The following PLB1 variants were observed in gnomAD, a reference collection of about 807,000 sequenced individuals.
PLB1 encodes phospholipase B1.
PLB1 carries 242 observed loss-of-function variants against 227.4 expected under a neutral mutation model. The ratio of observed to expected loss-of-function variants is 1.06; its 90% CI spans 0.96 to 1.18. The LOEUF (loss-of-function observed/expected upper bound fraction) is 1.18, where lower values mean the gene tolerates loss of function less well. Among genes scored for constraint, PLB1 ranks in the 50% most tolerant of loss-of-function variants. The probability of loss-of-function intolerance (pLI) is 0.00; values close to 1 mark genes in which losing one functional copy is unlikely to be tolerated. For synonymous variants in PLB1, 757 were observed against 682.2 expected (o/e 1.11, Z -1.71); for missense variants, 1,858 against 1,816.3 (o/e 1.02, Z -0.42).
In PLB1 at chr2:28,589,674, G is replaced by T; in HGVS notation, c.1921-1G>T. On this transcript the variant is annotated splice_acceptor_variant, in intron 27 of 57. Coordinates refer to ENST00000327757, the MANE Select transcript of PLB1 (RefSeq NM_153021.5). LOFTEE classifies it high-confidence loss of function. ...CCTCTCTTTTTCTGCCCGGTGACCA[G>T]GAAGGATTGCCTGACAACTCTTTCT... The T allele has an allele frequency of 6.2e-7, 1 of 1,614,084 alleles. No homozygotes were observed. Among genetic ancestry groups the T allele is most frequent in the Non-Finnish European group, 8.5e-7 (1 of 1,179,998 alleles).
At chr2:28,614,374 A>T (rs1368362590) in intron 44 of PLB1, among the ~76,000 whole-genome samples, 2 of 152,180 alleles carry the variant, frequency 1.3e-5, no homozygotes, top group Non-Finnish European at 2.9e-5. Flanking sequence ...AGACGTGGTT[A>T]CTGCTTAGGC....
At chr2:28,613,070 C>G (rs372419294) in intron 43 of PLB1, among the ~76,000 whole-genome samples, 26 of 152,204 alleles carry the variant, frequency 1.7e-4, no homozygotes, top group African/African-American at 6.3e-4. Context: ...CAGGCACATG[C>G]CACCATGTTG....
At chr2:28,511,145 A>T (rs1314657695) in intron 1 of PLB1, among the ~76,000 whole-genome samples, 2 of 152,182 alleles carry the variant, frequency 1.3e-5, no homozygotes, top group Admixed American at 1.3e-4. Context: ...AACTCCATTT[A>T]TTCCATCCAA....
At chr2:28,529,564 C>T (rs1270668261) in intron 7 of PLB1, among the ~76,000 whole-genome samples, 157 bp downstream of exon 7, 1 of 152,184 alleles carries the variant, frequency 6.6e-6, no homozygotes, top group Non-Finnish European at 1.5e-5. Flanking sequence ...TTTCAGGCTG[C>T]CTGATGAGCC....
chr2:28,622,438 T>C (rs1687169362), intron 49 of PLB1, among the ~76,000 whole-genome samples: 1 of 152,190 alleles, frequency 6.6e-6, no homozygotes, highest in Admixed American at 6.5e-5. Context: ...CCACACATAA[T>C]ACCCACCAAA....
Position 28,642,918 on chromosome 2 carries a change from GC to G in PLB1, c.4239del (p.Glu1414ArgfsTer38). 2 of 1,608,812 alleles carry G rather than the reference GC, an allele frequency of 1.2e-6. No homozygotes were observed. Among genetic ancestry groups the G allele is most frequent in the Non-Finnish European group, 1.7e-6 (2 of 1,177,630 alleles). On this transcript the variant is annotated frameshift_variant, in exon 58 of 58. Coordinates refer to ENST00000327757, the MANE Select transcript of PLB1 (RefSeq NM_153021.5). LOFTEE classifies it low-confidence loss of function (END_TRUNC). The stretch of plus-strand genomic sequence containing the variant: ...ATTGCTCCCAGACCAGGCTGAAGAA[GC>G]CCCCGAGGTGCTCTACTGGGCTGTC... ...SRLLPDQAEEAPEVLYWAVPV... is the reference protein window; with the variant it reads ...SRLLPDQAEEXPEVLYWAVPV...
chr2:28,563,817 G>A (rs1165015809), intron 18 of PLB1, among the ~76,000 whole-genome samples: 2 of 152,114 alleles, frequency 1.3e-5, no homozygotes, highest in African/African-American at 2.4e-5. Context: ...AGAATACAGG[G>A]TCTCCAGCTG....
intron 49 of PLB1, among the ~76,000 whole-genome samples, chr2:28,622,524 A>C (rs916890202): frequency 2.0e-5 from 3 of 152,204 alleles, no homozygotes; most frequent in African/African-American, 7.2e-5. Context: ...TTTTTCATCT[A>C]ACTTTCCTTC....
In PLB1 at chr2:28,502,719, G is replaced by A. The variant is rs146913902; in HGVS notation, c.55+6550G>A. 5.4e-3 allele frequency among the ~76,000 whole-genome samples: 826 copies of A among 152,212 alleles called. 8 individuals are homozygous for A. Among genetic ancestry groups the A allele is most frequent in the African/African-American group, 0.019 (786 of 41,538 alleles). ...TTCTCTCTGCCCTTGCTGGATTTGG[G>A]TACCAATGTTTTACAGTCTCATAAA... On this transcript the variant is annotated intron_variant, in intron 1 of 57. Transcript: ENST00000327757.
intron 1 of PLB1, among the ~76,000 whole-genome samples, chr2:28,513,642 T>C (rs114894749): frequency 0.021 from 3,203 of 152,324 alleles, 54 homozygotes; most frequent in Middle Eastern, 0.092. Context: ...TTTATAATTT[T>C]GAACAGACAC....
intron 14 of PLB1, 35 bp downstream of exon 14, chr2:28,543,303 G>GGA: frequency 6.3e-7 from 1 of 1,597,052 alleles, no homozygotes; most frequent in Non-Finnish European, 8.5e-7. Flanking sequence ...GGCCCACAGA[G>GGA]GAGGGGCAAG....
At chr2:28,617,317 T>A (rs1686329332) in intron 44 of PLB1, among the ~76,000 whole-genome samples, 3 of 152,226 alleles carry the variant, frequency 2.0e-5, no homozygotes, top group Non-Finnish European at 2.9e-5. Flanking sequence ...GTCAGTTAGC[T>A]TAATTTTATA....
intron 41 of PLB1, 23 bp from the exon 42 acceptor site, chr2:28,605,829 AG>A: frequency 6.4e-7 from 1 of 1,574,526 alleles, no homozygotes; most frequent in Non-Finnish European, 8.7e-7. Flanking sequence ...TAGGATCTTG[AG>A]GGGGTATATT....
rs997856539 is a variant in PLB1, at chr2:28,592,680, A to G, written c.2208A>G (p.Ala736=). ...TTCCAGTGCATGCCCTGAGACCTGC[A>G]GACATCCAAGTTGTGGCTGCTCTGG... ...HPTSVHALRP[A]DIQVVAALGD... The change falls in exon 32 of 58, where the codon GCA becomes GCG. Residue 736 remains alanine, a synonymous_variant. Coordinates refer to ENST00000327757, the MANE Select transcript of PLB1 (RefSeq NM_153021.5). The G allele has an allele frequency of 5.0e-6, 8 of 1,614,064 alleles. No individual in the cohort carries two copies. Among genetic ancestry groups the G allele is most frequent in the Non-Finnish European group, 5.9e-6 (7 of 1,180,042 alleles).
intron 30 of PLB1, 148 bp downstream of exon 30, chr2:28,591,319 T>C: frequency 1.1e-6 from 1 of 931,678 alleles, no homozygotes; most frequent in Non-Finnish European, 1.7e-6. Flanking sequence ...GATGGGGTAG[T>C]GGGCAGAGTA....
At chr2:28,541,185 T>TAAATAAATAAATAAATAAATAAA in intron 12 of PLB1, among the ~76,000 whole-genome samples, 1 of 150,108 alleles carries the variant, frequency 6.7e-6, no homozygotes, top group South Asian at 2.1e-4. Flanking sequence ...AATAAATAAA[T>TAAATAAATAAATAAATAAATAAA]TAAATAAATA....
At chr2:28,547,470 A>G (rs1311012608) in intron 14 of PLB1, among the ~76,000 whole-genome samples, 1 of 152,200 alleles carries the variant, frequency 6.6e-6, no homozygotes, top group African/African-American at 2.4e-5. Flanking sequence ...ATTCTCTTTC[A>G]GTCTGGCTGA....
At chr2:28,538,494 A>G (rs1345238847) in intron 10 of PLB1, 113 bp downstream of exon 10, 2 of 968,710 alleles carry the variant, frequency 2.1e-6, no homozygotes, top group Middle Eastern at 3.3e-4. Context: ...GACCCTCGGG[A>G]AAGGGGAAAC....
intron 56 of PLB1, among the ~76,000 whole-genome samples, chr2:28,638,043 G>A (rs1689573097): frequency 6.6e-6 from 1 of 152,054 alleles, no homozygotes; most frequent in Non-Finnish European, 1.5e-5. Flanking sequence ...CATCAAACAA[G>A]TATTTACTGA....
Sources: gnomAD v4.1 joint callset for allele counts (sites outside exome capture counted in the v4.1 genomes callset) on GRCh38, gnomAD v4.1.1 for gene constraint, MANE v1.5 for transcripts, NCBI Gene and HGNC (gene_info 2026-07-23, HGNC 2026-07-21) for gene names.